Variants in ELOVL6 observed in about 807,000 individuals in gnomAD.
The protein encoded by ELOVL6 is very long chain fatty acid elongase 6.
In ELOVL6, 8 loss-of-function variants were observed where a neutral mutation model predicts 31.7. That is an observed-to-expected ratio of 0.25 (90% CI 0.15 to 0.45). The LOEUF (loss-of-function observed/expected upper bound fraction) is 0.45. ELOVL6 is among the 20% of genes least tolerant of loss of function. The probability of loss-of-function intolerance (pLI) is 1.00; values close to 1 mark genes in which losing one functional copy is unlikely to be tolerated. For missense variants in ELOVL6, 126 were observed against 326.4 expected, an observed-to-expected ratio of 0.39 and a Z score of 4.73; for synonymous variants, 101 against 117.7, an observed-to-expected ratio of 0.86 and a Z score of 0.92.
chr4:110,105,511 G>A lies in ELOVL6; in HGVS notation c.207C>T (p.Thr69=). The change falls in exon 2 of 4, where the codon ACC becomes ACT. Residue 69 remains threonine (T), a synonymous_variant. Coordinates refer to ENST00000302274, the MANE Select transcript of ELOVL6 (RefSeq NM_024090.3). ...LRKPLVLWSL[T]LAVFSIFGAL... ...AAAAAACCTACCTGAAGACTGCAAG[G>A]GTCAGAGACCAGAGCACTAATGGCT... 1 of 1,612,862 alleles carries A rather than the reference G, an allele frequency of 6.2e-7. No homozygotes were observed. The highest frequency in any genetic ancestry group is 8.5e-7 in the Non-Finnish European group (1 of 1,179,496).
chr4:110,137,740 A>C (rs777483314), intron 1 of ELOVL6, among the ~76,000 whole-genome samples: 2 of 152,216 alleles, frequency 1.3e-5, no homozygotes, highest in Non-Finnish European at 2.9e-5. Flanking sequence ...ATTCCTCAAC[A>C]ACACACTCTG....
chr4:110,140,204 T>C (rs549085182), intron 1 of ELOVL6, among the ~76,000 whole-genome samples: 1 of 152,344 alleles, frequency 6.6e-6, no homozygotes, highest in South Asian at 2.1e-4. Context: ...GGGTCTCTTT[T>C]CTTTTACTTT....
chr4:110,115,924 T>C (rs1189602821), intron 1 of ELOVL6, among the ~76,000 whole-genome samples: 1 of 152,206 alleles, frequency 6.6e-6, no homozygotes, highest in Admixed American at 6.5e-5. Flanking sequence ...TTGACATTCC[T>C]TGGCTCATGG....
chr4:110,089,598 T>C (rs1245434951), intron 2 of ELOVL6, among the ~76,000 whole-genome samples: 2 of 152,198 alleles, frequency 1.3e-5, no homozygotes, highest in Non-Finnish European at 2.9e-5. Context: ...TAATTGAAAT[T>C]CACTCCTAAG....
rs572027886 is a variant in ELOVL6, at chr4:110,127,406, C to CAAAAAAAAAAAAA, written c.90-21791_90-21779dup. Among the ~76,000 whole-genome samples, 59 of 85,450 alleles carry CAAAAAAAAAAAAA rather than the reference C, an allele frequency of 6.9e-4. 1 individual carries two copies. The highest frequency in any genetic ancestry group is 1.2e-3 in the East Asian group (3 of 2,540). The allele number at this position is 85,450 out of a possible 152,430, so 56.1% of individuals were successfully genotyped here. On this transcript the variant is annotated intron_variant, in intron 1 of 3. Coordinates refer to ENST00000302274, the MANE Select transcript of ELOVL6 (RefSeq NM_024090.3). The stretch of plus-strand genomic sequence containing the variant: ...TGGGTGACAGAGCGAGATTCCGTCT[C>CAAAAAAAAAAAAA]AAAAAAAAAAAAAAAAAAAGAAAAG...
chr4:110,053,121 A>G (rs1754878712), intron 3 of ELOVL6, among the ~76,000 whole-genome samples: 1 of 152,170 alleles, frequency 6.6e-6, no homozygotes, highest in East Asian at 1.9e-4. Context: ...CTTTTTTAGT[A>G]GAGATGAGGT....
chr4:110,120,458 T>C (rs1757312252), intron 1 of ELOVL6, among the ~76,000 whole-genome samples: 1 of 152,038 alleles, frequency 6.6e-6, no homozygotes, highest in Non-Finnish European at 1.5e-5. Context: ...GTGATAACAA[T>C]AGTTAAAAAG....
rs182644407 is a variant in ELOVL6 at position 110,129,854 on chromosome 4, A to T, written c.90-24226T>A. On this transcript the variant is annotated intron_variant, in intron 1 of 3. Coordinates refer to ENST00000302274, the MANE Select transcript of ELOVL6 (RefSeq NM_024090.3). The stretch of plus-strand genomic sequence containing the variant: ...AATTCCCATACATGATTAAGATTCT[A>T]TTTGTTGATTTTTTCCATTATTTCC... Among the ~76,000 whole-genome samples the T allele has an allele frequency of 4.7e-3, 612 of 131,032 alleles. 2 individuals carry two copies. Among genetic ancestry groups the T allele is most frequent in the African/African-American group, 0.018 (595 of 33,628 alleles). 86.0% of individuals were successfully genotyped at this position (131,032 alleles called of 152,430 possible).
intron 1 of ELOVL6, among the ~76,000 whole-genome samples, chr4:110,182,861 TTG>T (rs1759329347): frequency 6.6e-6 from 1 of 151,778 alleles, no homozygotes; most frequent in Admixed American, 6.6e-5. Flanking sequence ...TGAGCCAAGA[TTG>T]CGCCATTGCA....
chr4:110,065,470 G>A (rs559511422), intron 2 of ELOVL6, among the ~76,000 whole-genome samples: 1 of 152,224 alleles, frequency 6.6e-6, no homozygotes, highest in East Asian at 1.9e-4. Context: ...CTACAAATGC[G>A]AAAATTAGCT....
Position 110,105,645 on chromosome 4 carries a change from A to G in ELOVL6, c.90-17T>C. 6.2e-7 allele frequency: 1 copy of G among 1,605,610 alleles called. No homozygotes were observed. The highest frequency in any genetic ancestry group is 8.5e-7 in the Non-Finnish European group (1 of 1,175,972). On this transcript the variant is annotated splice_polypyrimidine_tract_variant and intron_variant, in intron 1 of 3. Coordinates refer to ENST00000302274, the MANE Select transcript of ELOVL6 (RefSeq NM_024090.3). Reference sequence around the variant, plus strand: ...GATTTCTTCCTGCAAACAAGCAAACAAAATCTTTAAGATATTTTTAGTCAT... The same window carrying G: ...GATTTCTTCCTGCAAACAAGCAAACGAAATCTTTAAGATATTTTTAGTCAT...
chr4:110,141,695 ATATTG>A (rs1224752873), intron 1 of ELOVL6, among the ~76,000 whole-genome samples: 2 of 147,982 alleles, frequency 1.4e-5, no homozygotes, highest in South Asian at 4.2e-4. Flanking sequence ...ATTAGTATAT[ATATTG>A]TATTGTATTA....
chr4:110,186,019 G>A (rs1361449523), intron 1 of ELOVL6, among the ~76,000 whole-genome samples: 1 of 152,022 alleles, frequency 6.6e-6, no homozygotes, highest in Non-Finnish European at 1.5e-5. Context: ...GTGAAACCCT[G>A]TATCTACTAA....
chr4:110,064,183 G>A (rs909426024), intron 2 of ELOVL6, among the ~76,000 whole-genome samples: 3 of 152,086 alleles, frequency 2.0e-5, no homozygotes, highest in Non-Finnish European at 4.4e-5. Context: ...GCTCTGTGGA[G>A]GGAGCAGTAT....
At chr4:110,158,655 A>ATTTT (rs1365076499) in intron 1 of ELOVL6, among the ~76,000 whole-genome samples, 7 of 76,194 alleles carry the variant, frequency 9.2e-5, no homozygotes, top group African/African-American at 4.8e-4. Context: ...ATATATATAT[A>ATTTT]TATTTTTTTT....
rs192787805 is a variant in ELOVL6, at chr4:110,073,614, T to C, written c.222-13860A>G. Among the ~76,000 whole-genome samples the C allele has an allele frequency of 3.4e-3, 521 of 152,216 alleles. 2 individuals carry two copies. Among genetic ancestry groups the C allele is most frequent in the African/African-American group, 0.012 (503 of 41,540 alleles). On this transcript the variant is annotated intron_variant, in intron 2 of 3. Transcript: ENST00000302274. The stretch of plus-strand genomic sequence containing the variant: ...TCATAGCTGAACTCCCCAGGAAGTC[T>C]CTACATTTCCTCCAAGGAGAACGTA...
chr4:110,091,529 C>A (rs150093251), intron 2 of ELOVL6, among the ~76,000 whole-genome samples: 1 of 152,308 alleles, frequency 6.6e-6, no homozygotes, highest in African/African-American at 2.4e-5. Context: ...TAAACTCCAA[C>A]TTAAAGCTGA....
intron 1 of ELOVL6, among the ~76,000 whole-genome samples, chr4:110,154,409 C>T (rs911039759): frequency 5.3e-5 from 8 of 152,166 alleles, no homozygotes; most frequent in African/African-American, 1.9e-4. Flanking sequence ...CATGCACCAT[C>T]ACACCTGACT....
intron 1 of ELOVL6, among the ~76,000 whole-genome samples, chr4:110,111,408 C>T (rs1757032213): frequency 1.4e-5 from 2 of 140,236 alleles, no homozygotes; most frequent in African/African-American, 2.6e-5. Flanking sequence ...CCCATCCATT[C>T]AAAATTCAAT....
Sources: allele counts gnomAD v4.1 joint callset (sites outside exome capture counted in the v4.1 genomes callset), GRCh38; gene constraint gnomAD v4.1.1; transcripts MANE v1.5; gene names NCBI Gene and HGNC (gene_info 2026-07-23, HGNC 2026-07-21).